Variants in AK9 observed in about 807,000 individuals in gnomAD.
AK9 encodes adenylate kinase 9, also known as adenylate kinase domain containing 1.
AK9 carries 191 observed loss-of-function variants against 239.6 expected under a neutral mutation model. That is an observed-to-expected ratio of 0.80 (90% CI 0.71 to 0.90). AK9 has a LOEUF of 0.90. Among genes scored for constraint, AK9 ranks in the 40% least tolerant of loss-of-function variants. The probability of loss-of-function intolerance (pLI) is 0.00; values close to 1 mark genes in which losing one functional copy is unlikely to be tolerated. For missense variants in AK9, 1,995 were observed against 2,214.7 expected (o/e 0.90, Z 1.99); for synonymous variants, 689 against 721.0 (o/e 0.96, Z 0.71).
chr6:109,632,723 A>G, intron 12 of AK9, 200 bp downstream of exon 12: 1 of 1,233,522 alleles, frequency 8.1e-7, no homozygotes, highest in Non-Finnish European at 1.0e-6. Flanking sequence ...GTCTGGAAGC[A>G]GCAATAAACA....
intron 29 of AK9, among the ~76,000 whole-genome samples, chr6:109,525,669 G>A (rs1780416784): frequency 6.6e-6 from 1 of 152,208 alleles, no homozygotes; most frequent in Non-Finnish European, 1.5e-5. Flanking sequence ...ACAGATGTTA[G>A]TGAGGTTATG....
intron 13 of AK9, among the ~76,000 whole-genome samples, chr6:109,617,627 T>C (rs1396686332): frequency 6.6e-6 from 1 of 152,144 alleles, no homozygotes; most frequent in Non-Finnish European, 1.5e-5. Flanking sequence ...TTTAGAGATA[T>C]ATCTAATACA....
intron 19 of AK9, among the ~76,000 whole-genome samples, chr6:109,583,154 T>A (rs1158535283): frequency 6.6e-6 from 1 of 152,144 alleles, no homozygotes; most frequent in Non-Finnish European, 1.5e-5. Context: ...CCTGCAATAT[T>A]TCCAAGCTAT....
At position 109,540,079 on chromosome 6, in the gene AK9, G is replaced by A. The variant is rs1462048226; in HGVS notation, c.3350+1968C>T. On this transcript the variant is annotated intron_variant, in intron 27 of 40. Coordinates refer to ENST00000424296, the MANE Select transcript of AK9 (RefSeq NM_001145128.3). ...ACCCACTTGAGGAGGCAGTCTGTCT[G>A]TTCTCAGATCTCAAACTCTGTGCTG... 2.0e-5 allele frequency among the ~76,000 whole-genome samples: 3 copies of A among 152,078 alleles called. No individual in the cohort carries two copies. The South Asian group carries it at 6.2e-4, about 31-fold the overall frequency.
At chr6:109,594,509 C>CTATCAAA in intron 17 of AK9, among the ~76,000 whole-genome samples, 1 of 151,702 alleles carries the variant, frequency 6.6e-6, no homozygotes, top group East Asian at 1.9e-4. Context: ...TCAGAAAAAA[C>CTATCAAA]TATCAAATTA....
chr6:109,691,113 T>C, intron 1 of AK9, 34 bp downstream of exon 1: 2 of 496,166 alleles, frequency 4.0e-6, no homozygotes, highest in Admixed American at 3.2e-5. Flanking sequence ...ATCCGTCGAC[T>C]TTTTCTCCGC....
In AK9 at chr6:109,538,540, G is replaced by A. The variant is rs546981055; in HGVS notation, c.3350+3507C>T. Among the ~76,000 whole-genome samples, 1,001 of 152,126 alleles carry A rather than the reference G, an allele frequency of 6.6e-3. 7 individuals carry two copies. Among genetic ancestry groups the A allele is most frequent in the Non-Finnish European group, 7.8e-3 (532 of 68,004 alleles). On this transcript the variant is annotated intron_variant, in intron 27 of 40. Coordinates refer to ENST00000424296, the MANE Select transcript of AK9 (RefSeq NM_001145128.3). Reference sequence around the variant, plus strand: ...GGTCTCCTGAATACAGCACACTGATGGGTCTTGACTCTTTATCCAATTTGC... The same window carrying A: ...GGTCTCCTGAATACAGCACACTGATAGGTCTTGACTCTTTATCCAATTTGC...
intron 26 of AK9, 88 bp downstream of exon 26, chr6:109,545,779 G>T: frequency 3.4e-6 from 5 of 1,459,922 alleles, no homozygotes; most frequent in Non-Finnish European, 4.6e-6. Context: ...TTCCTGTCTG[G>T]GTGACAGATG....
At chr6:109,531,046 G>A (rs4946983) in intron 28 of AK9, among the ~76,000 whole-genome samples, 87,470 of 151,456 alleles carry the variant, frequency 0.58, 27,020 homozygotes, top group East Asian at 0.84. Flanking sequence ...CGTCTCAAAA[G>A]AAAAGAAAAG....
chr6:109,572,320 C>T (rs987315769), intron 21 of AK9, among the ~76,000 whole-genome samples: 1 of 152,264 alleles, frequency 6.6e-6, no homozygotes, highest in Non-Finnish European at 1.5e-5. Flanking sequence ...TTCCCAGATT[C>T]CCTGCAAGTA....
intron 1 of AK9, among the ~76,000 whole-genome samples, chr6:109,689,236 A>AC (rs1212667994): frequency 6.6e-6 from 1 of 152,128 alleles, no homozygotes. Flanking sequence ...ACTAGCCACT[A>AC]CCTTAAAGAA....
chr6:109,544,468 C>T (rs2064821), intron 26 of AK9, among the ~76,000 whole-genome samples: 81,404 of 151,876 alleles, frequency 0.54, 23,383 homozygotes, highest in East Asian at 0.83. Flanking sequence ...CACCATTACC[C>T]CCTTGGTACT....
intron 35 of AK9, among the ~76,000 whole-genome samples, chr6:109,500,923 T>A (rs1038829192): frequency 3.3e-5 from 5 of 151,964 alleles, no homozygotes; most frequent in African/African-American, 1.2e-4. Context: ...GAGGCTGAAG[T>A]GGGAGGAACA....
At chr6:109,617,275 T>C (rs1794289207) in intron 13 of AK9, among the ~76,000 whole-genome samples, 1 of 151,972 alleles carries the variant, frequency 6.6e-6, no homozygotes. Flanking sequence ...TTGAGAAAAA[T>C]TCTACAAGCA....
rs1389319283 is a variant in AK9, at chr6:109,608,282, A to C, written c.1842+2083T>G. ...TGACAGAGCGAGACTCTGGCTCAAA[A>C]AAAAAAAAAAAAAAAACTACAGTCG... is the stretch of plus-strand genomic sequence containing the variant. On this transcript the variant is annotated intron_variant, in intron 17 of 40. Transcript: ENST00000424296. Among the ~76,000 whole-genome samples, 11 of 150,986 alleles carry C rather than the reference A, an allele frequency of 7.3e-5. No homozygotes were observed. In the South Asian group the frequency reaches 2.3e-3, roughly 31 times the overall value.
chr6:109,680,647 T>C (rs1772480582), intron 1 of AK9, among the ~76,000 whole-genome samples: 1 of 152,024 alleles, frequency 6.6e-6, no homozygotes, highest in South Asian at 2.1e-4. Flanking sequence ...CCAAGACACA[T>C]AATCGTCAGA....
At position 109,550,147 on chromosome 6, in the gene AK9, A is replaced by T. The variant is rs1784187081; in HGVS notation, c.2907T>A (p.Ala969=). The change falls in exon 25 of 41, where the codon GCT becomes GCA. Residue 969 remains alanine, a synonymous_variant. Coordinates refer to ENST00000424296, the MANE Select transcript of AK9 (RefSeq NM_001145128.3). The stretch of plus-strand genomic sequence containing the variant: ...CAGGATGCTCCAAAAACTTTTCTTT[A>T]GCCTCAGCACTTGAAAAGTAGTAGA... ...EKIYYFSSAE[A]KEKFLEHPED... The T allele has an allele frequency of 6.2e-7, 1 of 1,613,904 alleles. No individual in the cohort carries two copies. Among genetic ancestry groups the T allele is most frequent in the African/African-American group, 1.3e-5 (1 of 74,906 alleles).
intron 21 of AK9, among the ~76,000 whole-genome samples, chr6:109,570,622 G>A (rs1205609899): frequency 6.6e-6 from 1 of 151,978 alleles, no homozygotes; most frequent in African/African-American, 2.4e-5. Flanking sequence ...GGTGGAGAAG[G>A]TAAACCAGTG....
intron 25 of AK9, 137 bp downstream of exon 25, chr6:109,549,953 C>T (rs918841736): frequency 5.6e-5 from 53 of 941,148 alleles, no homozygotes; most frequent in African/African-American, 1.5e-4. Flanking sequence ...CGTGAGCCAC[C>T]GCGCCCGGCC....
Sources: gnomAD v4.1 joint callset for allele counts (sites outside exome capture counted in the v4.1 genomes callset) on GRCh38, gnomAD v4.1.1 for gene constraint, MANE v1.5 for transcripts, NCBI Gene and HGNC (gene_info 2026-07-23, HGNC 2026-07-21) for gene names.